The following CSMD1 variants were observed in gnomAD, a reference collection of about 807,000 sequenced individuals.
The protein encoded by CSMD1 is CUB and Sushi multiple domains 1, also known as CUB and sushi domain-containing protein 1.
A neutral mutation model predicts 417.5 loss-of-function variants in CSMD1; 213 were observed. The ratio of observed to expected loss-of-function variants is 0.51; its 90% CI spans 0.46 to 0.57. The LOEUF is 0.57. Ranked by LOEUF, CSMD1 falls within the 20% of genes least tolerant of loss-of-function variation. The pLI, the probability that CSMD1 is intolerant of heterozygous loss-of-function variation, is 0.00. For missense variants in CSMD1, 6,923 were observed against 4,529.7 expected (o/e 1.53, Z -15.17); for synonymous variants, 2,862 against 1,736.8 (o/e 1.65, Z -16.11).
At chr8:4,597,903 T>C (rs1197107670) in intron 2 of CSMD1, among the ~76,000 whole-genome samples, 1 of 152,146 alleles carries the variant, frequency 6.6e-6, no homozygotes, top group African/African-American at 2.4e-5. Flanking sequence ...TTGGAGAATA[T>C]GGTGGGTACT....
At chr8:4,056,330 G>C (rs573284283) in intron 3 of CSMD1, among the ~76,000 whole-genome samples, 1 of 151,224 alleles carries the variant, frequency 6.6e-6, no homozygotes, top group Non-Finnish European at 1.5e-5. Flanking sequence ...TGATCCACCC[G>C]CGTCAGCCTC....
At chr8:4,097,149 T>G (rs1436125411) in intron 3 of CSMD1, among the ~76,000 whole-genome samples, 2 of 152,210 alleles carry the variant, frequency 1.3e-5, no homozygotes, top group Non-Finnish European at 2.9e-5. Flanking sequence ...TGTTCATTTC[T>G]TTCTGTCATG....
chr8:4,784,060 T>C (rs986732578), intron 1 of CSMD1, among the ~76,000 whole-genome samples: 1 of 152,178 alleles, frequency 6.6e-6, no homozygotes, highest in Non-Finnish European at 1.5e-5. Flanking sequence ...CTTTAACATA[T>C]TTTTGAGGGA....
intron 3 of CSMD1, among the ~76,000 whole-genome samples, chr8:4,262,603 G>A (rs1274950599): frequency 6.6e-6 from 1 of 152,038 alleles, no homozygotes; most frequent in East Asian, 1.9e-4. Flanking sequence ...TTATCTTCAG[G>A]ACCCTGGAGC....
At chr8:4,195,340 G>C (rs762825459) in intron 3 of CSMD1, among the ~76,000 whole-genome samples, 1 of 152,114 alleles carries the variant, frequency 6.6e-6, no homozygotes, top group East Asian at 1.9e-4. Context: ...AACAGGATAA[G>C]TTAACAAATC....
At chr8:3,381,590 G>A (rs778110151) in intron 18 of CSMD1, among the ~76,000 whole-genome samples, 6 of 151,930 alleles carry the variant, frequency 3.9e-5, no homozygotes, top group Admixed American at 6.6e-5. Context: ...TATTTGCATC[G>A]TCTATATGAC....
At chr8:3,910,362 C>G (rs935387701) in intron 5 of CSMD1, among the ~76,000 whole-genome samples, 6 of 152,136 alleles carry the variant, frequency 3.9e-5, no homozygotes, top group Non-Finnish European at 1.5e-5. Flanking sequence ...TGCACCGAGG[C>G]CACAGAATGC....
chr8:3,132,407 T>G (rs565039591), intron 41 of CSMD1, among the ~76,000 whole-genome samples: 3 of 152,086 alleles, frequency 2.0e-5, no homozygotes, highest in Non-Finnish European at 4.4e-5. Flanking sequence ...TACAGAGACC[T>G]TCACAAGTTA....
intron 1 of CSMD1, among the ~76,000 whole-genome samples, chr8:4,783,383 CTGTT>C (rs1797251038): frequency 6.6e-6 from 1 of 152,204 alleles, no homozygotes; most frequent in South Asian, 2.1e-4. Flanking sequence ...TGTACAGTGG[CTGTT>C]CCAGCTGAAA....
intron 49 of CSMD1, among the ~76,000 whole-genome samples, chr8:3,086,207 C>G (rs947410484): frequency 3.3e-5 from 5 of 152,106 alleles, no homozygotes; most frequent in Admixed American, 6.5e-5. Context: ...AAAAAATTAT[C>G]ATTCTAATCA....
chr8:4,083,423 C>G (rs1800246722), intron 3 of CSMD1, among the ~76,000 whole-genome samples: 3 of 152,104 alleles, frequency 2.0e-5, no homozygotes, highest in African/African-American at 4.8e-5. Context: ...CCGCATCACG[C>G]CACCTGACTT....
At chr8:3,212,883 G>A (rs944728198) in intron 30 of CSMD1, among the ~76,000 whole-genome samples, 1 of 147,780 alleles carries the variant, frequency 6.8e-6, no homozygotes, top group Admixed American at 6.8e-5. Context: ...AAGCTGGAGT[G>A]TAATGGCACA....
intron 12 of CSMD1, among the ~76,000 whole-genome samples, chr8:3,457,186 G>T (rs142922130): frequency 6.6e-6 from 1 of 150,638 alleles, no homozygotes; most frequent in Middle Eastern, 3.5e-3. Flanking sequence ...ACTCCTCATC[G>T]TGGACTCCTA....
chr8:3,976,102 C>A (rs929204373), intron 5 of CSMD1, among the ~76,000 whole-genome samples: 1 of 151,650 alleles, frequency 6.6e-6, no homozygotes, highest in Admixed American at 6.6e-5. Context: ...TTGTAAGAAT[C>A]TAATAGAGAA....
chr8:4,093,416 G>C (rs921063299), intron 3 of CSMD1, among the ~76,000 whole-genome samples: 2 of 152,050 alleles, frequency 1.3e-5, no homozygotes, highest in Non-Finnish European at 2.9e-5. Context: ...GCCAACAGAG[G>C]TGTACAATTT....
At chr8:3,705,475 A>G (rs1020145504) in intron 7 of CSMD1, among the ~76,000 whole-genome samples, 4 of 152,208 alleles carry the variant, frequency 2.6e-5, no homozygotes, top group Admixed American at 1.3e-4. Context: ...CTCACACTCT[A>G]CAGTGAACAG....
rs1333814662 is a variant in CSMD1, at chr8:3,466,577, A to T, written c.1561+2135T>A. The stretch of plus-strand genomic sequence containing the variant: ...GGTACCCACCCTCCACAATCAGCTA[A>T]TTTTTTTTTTTTTTTTTTTTTTGTA... On this transcript the variant is annotated intron_variant, in intron 12 of 69. Coordinates refer to ENST00000635120, the MANE Select transcript of CSMD1 (RefSeq NM_033225.6). Among the ~76,000 whole-genome samples, 13 of 113,600 alleles carry T rather than the reference A, an allele frequency of 1.1e-4. 1 individual carries two copies. The highest frequency in any genetic ancestry group is 4.7e-4 in the Admixed American group (5 of 10,588). The allele number at this position is 113,600 out of a possible 152,430, so 74.5% of individuals were successfully genotyped here. A position where few individuals can be genotyped will look rare whatever the true frequency, so the allele number is the denominator to read the frequency against.
intron 6 of CSMD1, among the ~76,000 whole-genome samples, chr8:3,726,642 T>A (rs1802514446): frequency 6.6e-6 from 1 of 152,196 alleles, no homozygotes; most frequent in South Asian, 2.1e-4. Flanking sequence ...TCCTTTTTTA[T>A]GTTCCATCAT....
intron 5 of CSMD1, among the ~76,000 whole-genome samples, chr8:3,900,498 G>C (rs1447689225): frequency 2.0e-5 from 3 of 151,876 alleles, no homozygotes. Flanking sequence ...AGTGTAGCTG[G>C]GTGACAGTAG....
Sources: gnomAD v4.1 joint callset for allele counts (sites outside exome capture counted in the v4.1 genomes callset) on GRCh38, gnomAD v4.1.1 for gene constraint, MANE v1.5 for transcripts, NCBI Gene and HGNC (gene_info 2026-07-23, HGNC 2026-07-21) for gene names.